The following RCL1 variants were observed in gnomAD, a reference collection of about 807,000 sequenced individuals.
The protein encoded by RCL1 is RNA terminal phosphate cyclase like 1, also known as RNA 3'-terminal phosphate cyclase-like protein.
RCL1 carries 24 observed loss-of-function variants against 42.4 expected under a neutral mutation model. That is an observed-to-expected ratio of 0.57 (90% CI 0.41 to 0.80). The LOEUF (loss-of-function observed/expected upper bound fraction) is 0.80, where lower values mean the gene tolerates loss of function less well. Among genes scored for constraint, RCL1 ranks in the 30% least tolerant of loss-of-function variants. The pLI, the probability that RCL1 is intolerant of heterozygous loss-of-function variation, is 0.00. For synonymous variants in RCL1, 228 were observed against 177.3 expected, an observed-to-expected ratio of 1.29 and a Z score of -2.27; for missense variants, 578 against 467.9, an observed-to-expected ratio of 1.24 and a Z score of -2.17.
rs929166028 is a variant in RCL1 at position 4,832,817 on chromosome 9, A to G, written c.385-337A>G. ...GCGAGATTCCACTCAAAAAAAAAAA[A>G]AAAAAAAAAAAAAGTAGGGTTCTCC... is the stretch of plus-strand genomic sequence containing the variant. On this transcript the variant is annotated intron_variant, in intron 3 of 8. Coordinates refer to ENST00000381750, the MANE Select transcript of RCL1 (RefSeq NM_005772.5). 4.0e-5 allele frequency among the ~76,000 whole-genome samples: 6 copies of G among 151,612 alleles called. No individual in the cohort carries two copies. In the South Asian group the frequency reaches 1.0e-3, roughly 26 times the overall value.
intron 3 of RCL1, among the ~76,000 whole-genome samples, chr9:4,828,995 C>G (rs891302018): frequency 2.5e-4 from 38 of 152,306 alleles, no homozygotes; most frequent in Admixed American, 2.5e-3. Flanking sequence ...CTAGCTTCTT[C>G]TTTTCTTTGT....
At chr9:4,805,608 C>T (rs563605573) in intron 1 of RCL1, among the ~76,000 whole-genome samples, 1 of 152,206 alleles carries the variant, frequency 6.6e-6, no homozygotes, top group Non-Finnish European at 1.5e-5. Context: ...CTCTCTTTGA[C>T]TCATCAGTTC....
intron 5 of RCL1, 82 bp downstream of exon 5, chr9:4,834,347 C>G: frequency 6.9e-7 from 1 of 1,458,090 alleles, no homozygotes; most frequent in Non-Finnish European, 9.3e-7. Flanking sequence ...AGCTTTACTT[C>G]TTCCCGAGGT....
chr9:4,834,471 C>CTTT (rs5896097), intron 5 of RCL1, among the ~76,000 whole-genome samples: 4 of 128,424 alleles, frequency 3.1e-5, no homozygotes, highest in African/African-American at 8.8e-5. Context: ...TTGAGTCATT[C>CTTT]TTTTTTTTTT....
chr9:4,805,066 G>A (rs1240349578), intron 1 of RCL1: 1 of 152,400 alleles, frequency 6.6e-6, no homozygotes, highest in Non-Finnish European at 1.5e-5. Context: ...CCTCATTAAT[G>A]TGGGGCCCTG....
At position 4,849,506 on chromosome 9, in the gene RCL1, G is replaced by C. The variant is rs755719088; in HGVS notation, c.927G>C (p.Gln309His). 6.2e-7 allele frequency: 1 copy of C among 1,614,046 alleles called. No homozygotes were observed. The highest frequency in any genetic ancestry group is 1.3e-5 in the African/African-American group (1 of 75,040). Reference sequence around the variant, plus strand: ...CGCTACTACTCATGACCCTTGGACAGCAGGATGTTTCCAAAGTCCTGCTAG... The same window carrying C: ...CGCTACTACTCATGACCCTTGGACACCAGGATGTTTCCAAAGTCCTGCTAG... Reference protein sequence around the residue: ...SLALLLMTLGQQDVSKVLLGP... With the variant: ...SLALLLMTLGHQDVSKVLLGP... The change falls in exon 8 of 9, where the codon CAG (glutamine) becomes CAC (histidine). Residue 309 changes from glutamine to histidine, a missense_variant. Gln to His is a conservative substitution (Grantham distance 24, BLOSUM62 0). Coordinates refer to ENST00000381750, the MANE Select transcript of RCL1 (RefSeq NM_005772.5).
chr9:4,840,777 C>T (rs911034257), intron 5 of RCL1, among the ~76,000 whole-genome samples: 4 of 152,170 alleles, frequency 2.6e-5, no homozygotes, highest in Non-Finnish European at 4.4e-5. Flanking sequence ...TCGCCCAGGT[C>T]CTGTGTGGTG....
intron 7 of RCL1, among the ~76,000 whole-genome samples, chr9:4,847,427 C>T (rs1464480172): frequency 1.3e-5 from 2 of 152,156 alleles, no homozygotes; most frequent in African/African-American, 4.8e-5. Flanking sequence ...AGCCTCTGAT[C>T]TAATCCCCCC....
At chr9:4,859,303 A>G (rs1537146) in intron 8 of RCL1, among the ~76,000 whole-genome samples, 48,339 of 152,028 alleles carry the variant, frequency 0.32, 8,012 homozygotes, top group South Asian at 0.43. Flanking sequence ...CCAAATATGT[A>G]CAAATACTGT....
At chr9:4,848,945 G>C (rs1393838045) in intron 7 of RCL1, among the ~76,000 whole-genome samples, 1 of 152,138 alleles carries the variant, frequency 6.6e-6, no homozygotes, top group Non-Finnish European at 1.5e-5. Context: ...GCAGTTTCCT[G>C]AATGTATTTG....
intron 7 of RCL1, among the ~76,000 whole-genome samples, chr9:4,845,348 TTGCTTC>T (rs1464343840): frequency 6.6e-6 from 1 of 152,218 alleles, no homozygotes; most frequent in Non-Finnish European, 1.5e-5. Context: ...AGTTGTCATT[TTGCTTC>T]TGCAGGTCTG....
At chr9:4,854,623 G>T (rs1251394454) in intron 8 of RCL1, among the ~76,000 whole-genome samples, 1 of 152,158 alleles carries the variant, frequency 6.6e-6, no homozygotes, top group Admixed American at 6.5e-5. Context: ...GAGGGGTCTG[G>T]TGGGAGGGGC....
intron 8 of RCL1, among the ~76,000 whole-genome samples, chr9:4,858,922 G>C (rs1488572212): frequency 6.6e-6 from 1 of 152,322 alleles, no homozygotes; most frequent in South Asian, 2.1e-4. Context: ...TAACAACATA[G>C]ATTTCTGGCC....
intron 1 of RCL1, among the ~76,000 whole-genome samples, chr9:4,818,607 G>C (rs556479190): frequency 3.3e-5 from 5 of 152,096 alleles, no homozygotes; most frequent in Non-Finnish European, 7.3e-5. Context: ...ATCCGGCCGG[G>C]CTAGGTGGCT....
At chr9:4,810,462 C>T (rs1436671453) in intron 1 of RCL1, among the ~76,000 whole-genome samples, 4 of 152,048 alleles carry the variant, frequency 2.6e-5, no homozygotes, top group South Asian at 2.1e-4. Flanking sequence ...TGCCTGGCCT[C>T]TTTAGCTCTG....
chr9:4,848,518 G>T (rs371849512), intron 7 of RCL1, among the ~76,000 whole-genome samples: 1 of 152,206 alleles, frequency 6.6e-6, no homozygotes, highest in Non-Finnish European at 1.5e-5. Flanking sequence ...TCTAGCCTTG[G>T]ATAGTAACGT....
At chr9:4,809,584 A>C (rs1414803789) in intron 1 of RCL1, among the ~76,000 whole-genome samples, 2 of 152,226 alleles carry the variant, frequency 1.3e-5, no homozygotes, top group Non-Finnish European at 2.9e-5. Flanking sequence ...CTGGGATTAC[A>C]GGCGTGAGCC....
In RCL1 at chr9:4,853,090, C is replaced by T. The variant is rs185122446; in HGVS notation, c.971+3540C>T. Among the ~76,000 whole-genome samples the T allele has an allele frequency of 1.6e-3, 239 of 152,112 alleles. 1 individual carries two copies. Among genetic ancestry groups the T allele is most frequent in the African/African-American group, 5.5e-3 (228 of 41,480 alleles). Reference sequence around the variant, plus strand: ...AGGTAGATGTTTATTTAAACAACACCGTGTTTACTGTGTGCAAGATGTTGT... The same window carrying T: ...AGGTAGATGTTTATTTAAACAACACTGTGTTTACTGTGTGCAAGATGTTGT... On this transcript the variant is annotated intron_variant, in intron 8 of 8. Transcript: ENST00000381750.
At chr9:4,818,625 G>A (rs756181930) in intron 1 of RCL1, among the ~76,000 whole-genome samples, 1 of 152,156 alleles carries the variant, frequency 6.6e-6, no homozygotes, top group Non-Finnish European at 1.5e-5. Flanking sequence ...GCTCACGCCT[G>A]TAATCCCAGC....
Sources: gnomAD v4.1 joint callset for allele counts (sites outside exome capture counted in the v4.1 genomes callset) on GRCh38, gnomAD v4.1.1 for gene constraint, MANE v1.5 for transcripts, NCBI Gene and HGNC (gene_info 2026-07-23, HGNC 2026-07-21) for gene names.